Variants in TGFBR3 observed in about 807,000 individuals in gnomAD.
TGFBR3 encodes the protein transforming growth factor beta receptor 3.
TGFBR3 carries 46 observed loss-of-function variants against 87.9 expected under a neutral mutation model. That is an observed-to-expected ratio of 0.52 (90% CI 0.41 to 0.67). The LOEUF is 0.67. Ranked by LOEUF, TGFBR3 falls within the 30% of genes least tolerant of loss-of-function variation. The pLI, the probability that TGFBR3 is intolerant of heterozygous loss-of-function variation, is 0.00. For missense variants in TGFBR3, 866 were observed against 1,041.9 expected (o/e 0.83, Z 2.32); for synonymous variants, 381 against 391.6 (o/e 0.97, Z 0.32).
At chr1:91,815,616 T>C (rs1161869710) in intron 2 of TGFBR3, among the ~76,000 whole-genome samples, 1 of 152,146 alleles carries the variant, frequency 6.6e-6, no homozygotes, top group Non-Finnish European at 1.5e-5. Flanking sequence ...CAGGCTCATC[T>C]CTGCCATTAA....
chr1:91,701,004 T>C (rs908932310), intron 14 of TGFBR3, among the ~76,000 whole-genome samples: 1 of 152,144 alleles, frequency 6.6e-6, no homozygotes, highest in Non-Finnish European at 1.5e-5. Context: ...CAACCACCCA[T>C]GGTTAAACTT....
chr1:91,854,013 C>G (rs1165869800), intron 2 of TGFBR3, among the ~76,000 whole-genome samples: 1 of 151,870 alleles, frequency 6.6e-6, no homozygotes, highest in African/African-American at 2.4e-5. Context: ...CATCCCACCC[C>G]CTCCCAGAAA....
At chr1:91,819,152 G>A (rs908579769) in intron 2 of TGFBR3, among the ~76,000 whole-genome samples, 1 of 152,144 alleles carries the variant, frequency 6.6e-6, no homozygotes, top group African/African-American at 2.4e-5. Context: ...GGTGGATCAT[G>A]AGGTTAAGAG....
At chr1:91,698,156 G>A (rs1313192226) in intron 14 of TGFBR3, 26 bp from the exon 15 acceptor site, 1 of 1,606,836 alleles carries the variant, frequency 6.2e-7, no homozygotes, top group Admixed American at 1.7e-5. Context: ...AAATCACAAT[G>A]TATTCTATGG....
At chr1:91,775,948 G>C (rs970495819) in intron 3 of TGFBR3, among the ~76,000 whole-genome samples, 1 of 152,172 alleles carries the variant, frequency 6.6e-6, no homozygotes, top group African/African-American at 2.4e-5. Context: ...AAGCTATTCA[G>C]CAATATTTTG....
intron 3 of TGFBR3, among the ~76,000 whole-genome samples, chr1:91,775,809 G>C (rs540302991): frequency 1.2e-3 from 180 of 152,346 alleles, no homozygotes; most frequent in African/African-American, 3.8e-3. Context: ...CTGCAGTGCT[G>C]AATTTCTGGG....
At chr1:91,699,736 C>A (rs1239868805) in intron 14 of TGFBR3, among the ~76,000 whole-genome samples, 1 of 152,194 alleles carries the variant, frequency 6.6e-6, no homozygotes, top group East Asian at 1.9e-4. Flanking sequence ...AAGGTCACAG[C>A]TGGAAAGCAT....
At chr1:91,707,598 G>A (rs866778465) in intron 14 of TGFBR3, among the ~76,000 whole-genome samples, 4 of 152,210 alleles carry the variant, frequency 2.6e-5, no homozygotes, top group African/African-American at 9.6e-5. Flanking sequence ...GAGCCAGACA[G>A]TGTGCTGGCT....
chr1:91,698,125 C>A lies in TGFBR3; in HGVS notation c.2293G>T (p.Gly765Cys). 6.2e-7 allele frequency: 1 copy of A among 1,613,684 alleles called. No homozygotes were observed. Among genetic ancestry groups the A allele is most frequent in the Non-Finnish European group, 8.5e-7 (1 of 1,179,668 alleles). The change falls in exon 15 of 17, where the codon GGT becomes TGT. Residue 765 changes from glycine (G) to cysteine (C), a missense_variant. Coordinates refer to ENST00000212355, the MANE Select transcript of TGFBR3 (RefSeq NM_003243.5). ...GGATTTGGTTCCTTCATGCTTGGAC[C>A]TTTTTCTGAAACAAAAACATAAATC... ...IHHEAESKEK[G>C]PSMKEPNPIS...
intron 1 of TGFBR3, chr1:91,899,778 G>C (rs903613774): frequency 6.6e-6 from 1 of 151,980 alleles, no homozygotes; most frequent in African/African-American, 2.4e-5. Flanking sequence ...ATTTATACAA[G>C]AACTCCTGAA....
chr1:91,828,417 C>G (rs1676725230), intron 2 of TGFBR3, among the ~76,000 whole-genome samples: 2 of 152,154 alleles, frequency 1.3e-5, no homozygotes, highest in Non-Finnish European at 2.9e-5. Flanking sequence ...ATCCATAGCC[C>G]AGTGTATAAA....
intron 1 of TGFBR3, among the ~76,000 whole-genome samples, chr1:91,862,957 A>C (rs1571583800): frequency 6.6e-6 from 1 of 152,274 alleles, no homozygotes; most frequent in East Asian, 1.9e-4. Context: ...ATAACAGTAC[A>C]AAAAAAATTA....
chr1:91,691,658 C>A (rs1671269768), intron 16 of TGFBR3, among the ~76,000 whole-genome samples: 1 of 152,150 alleles, frequency 6.6e-6, no homozygotes, highest in African/African-American at 2.4e-5. Flanking sequence ...ATCCACAACT[C>A]AAAAGAGAAG....
At chr1:91,857,286 T>G (rs17516399) in intron 2 of TGFBR3, among the ~76,000 whole-genome samples, 8,216 of 152,170 alleles carry the variant, frequency 0.054, 319 homozygotes, top group Non-Finnish European at 0.077. Context: ...TTTCATAATC[T>G]ACTCCATCCT....
At position 91,734,841 on chromosome 1, in the gene TGFBR3, T is replaced by C; in HGVS notation, c.503A>G (p.Tyr168Cys). Residue 168 changes from tyrosine (Y) to cysteine (C), a missense_variant, in exon 5 of 17, where the codon TAT becomes TGT. Coordinates refer to ENST00000212355, the MANE Select transcript of TGFBR3 (RefSeq NM_003243.5). ...TTCGGTGAATGAAGTAACTGCTCCA[T>C]ACTCTTTTCGGGCCCAATTTAACAG... is the stretch of plus-strand genomic sequence containing the variant. The part of the protein sequence containing the change: ...EHLLNWARKE[Y>C]GAVTSFTELK... The C allele has an allele frequency of 1.2e-6, 2 of 1,614,238 alleles. No individual in the cohort carries two copies. Among genetic ancestry groups the C allele is most frequent in the Non-Finnish European group, 1.7e-6 (2 of 1,180,022 alleles).
chr1:91,803,242 G>C (rs1675706289), intron 2 of TGFBR3, among the ~76,000 whole-genome samples: 1 of 152,184 alleles, frequency 6.6e-6, no homozygotes, highest in African/African-American at 2.4e-5. Flanking sequence ...AGTGCTCACT[G>C]TCTCCCTATA....
At chr1:91,772,102 T>A (rs6663558) in intron 3 of TGFBR3, among the ~76,000 whole-genome samples, 7,754 of 152,202 alleles carry the variant, frequency 0.051, 266 homozygotes, top group African/African-American at 0.086. Flanking sequence ...TGGAGCCAGA[T>A]CACAATGAGC....
At chr1:91,864,214 C>G (rs1678302573) in intron 1 of TGFBR3, 1 of 152,214 alleles carries the variant, frequency 6.6e-6, no homozygotes, top group African/African-American at 2.4e-5. Context: ...ACCCTGCCCA[C>G]AGCTGCAGTG....
At chr1:91,788,071 G>A (rs1161291378) in intron 3 of TGFBR3, among the ~76,000 whole-genome samples, 1 of 152,210 alleles carries the variant, frequency 6.6e-6, no homozygotes, top group Non-Finnish European at 1.5e-5. Flanking sequence ...TGACAGCACT[G>A]GAGGCTTCAT....
Sources: gnomAD v4.1 joint callset for allele counts (sites outside exome capture counted in the v4.1 genomes callset) on GRCh38, gnomAD v4.1.1 for gene constraint, MANE v1.5 for transcripts, NCBI Gene and HGNC (gene_info 2026-07-23, HGNC 2026-07-21) for gene names.